The following NAALADL2 variants were observed in gnomAD, a reference collection of about 807,000 sequenced individuals.
NAALADL2 encodes inactive N-acetylated-alpha-linked acidic dipeptidase-like protein 2.
NAALADL2 carries 76 observed loss-of-function variants against 87.2 expected under a neutral mutation model. That is an observed-to-expected ratio of 0.87 (90% CI 0.72 to 1.05). NAALADL2 has a LOEUF of 1.05. Among genes scored for constraint, NAALADL2 ranks in the 50% least tolerant of loss-of-function variants. The probability of loss-of-function intolerance (pLI) is 0.00; values close to 1 mark genes in which losing one functional copy is unlikely to be tolerated. For missense variants in NAALADL2, 1,089 were observed against 945.8 expected, an observed-to-expected ratio of 1.15 and a Z score of -1.99; for synonymous variants, 354 against 331.0, an observed-to-expected ratio of 1.07 and a Z score of -0.75.
chr3:175,606,556 C>T (rs575610718), intron 10 of NAALADL2, among the ~76,000 whole-genome samples: 46 of 152,118 alleles, frequency 3.0e-4, no homozygotes, highest in South Asian at 2.1e-4. Flanking sequence ...TGTAATATTG[C>T]GGAACTCCTT....
chr3:175,039,379 G>T (rs1263295930), intron 1 of NAALADL2, among the ~76,000 whole-genome samples: 1 of 152,102 alleles, frequency 6.6e-6, no homozygotes, highest in Non-Finnish European at 1.5e-5. Flanking sequence ...TATTGGCCAG[G>T]CTGGTCTCGA....
intron 6 of NAALADL2, among the ~76,000 whole-genome samples, chr3:175,452,890 C>G (rs1721791277): frequency 6.6e-6 from 1 of 152,096 alleles, no homozygotes; most frequent in Admixed American, 6.6e-5. Flanking sequence ...AGAGTCAATT[C>G]TCTGTTTCCT....
intron 1 of NAALADL2, among the ~76,000 whole-genome samples, chr3:174,463,326 A>G (rs1431314487): frequency 6.6e-6 from 1 of 152,208 alleles, no homozygotes; most frequent in African/African-American, 2.4e-5. Flanking sequence ...ATGTTGGAAC[A>G]GTGAGAGAAA....
At chr3:175,664,729 C>G (rs765104606) in intron 11 of NAALADL2, among the ~76,000 whole-genome samples, 65 of 152,014 alleles carry the variant, frequency 4.3e-4, no homozygotes, top group Non-Finnish European at 5.6e-4. Context: ...TGTTCCTTCT[C>G]AGGTAAAAAC....
At chr3:174,650,618 G>C (rs1012871795) in intron 2 of NAALADL2, among the ~76,000 whole-genome samples, 2 of 152,112 alleles carry the variant, frequency 1.3e-5, no homozygotes, top group African/African-American at 4.8e-5. Flanking sequence ...CAAATCAGTA[G>C]TTACGGTCGT....
chr3:175,489,023 C>G (rs577955448), intron 9 of NAALADL2, among the ~76,000 whole-genome samples: 5 of 152,066 alleles, frequency 3.3e-5, no homozygotes, highest in Non-Finnish European at 7.4e-5. Context: ...ATCTTAACAT[C>G]CAGAAATAAA....
intron 11 of NAALADL2, among the ~76,000 whole-genome samples, chr3:175,684,826 C>A (rs1332469027): frequency 2.6e-5 from 4 of 151,924 alleles, no homozygotes; most frequent in African/African-American, 9.7e-5. Flanking sequence ...GTTTAAAGAT[C>A]CATATTAAAT....
chr3:174,655,220 A>G (rs1348108843), intron 2 of NAALADL2, among the ~76,000 whole-genome samples: 1 of 152,270 alleles, frequency 6.6e-6, no homozygotes, highest in East Asian at 1.9e-4. Flanking sequence ...AATATTTGGA[A>G]CATGAACAAC....
rs1185297007 is a variant in NAALADL2 at position 175,225,831 on chromosome 3, C to G, written c.546-8100C>G. Among the ~76,000 whole-genome samples the G allele has an allele frequency of 2.6e-5, 4 of 152,028 alleles. No individual in the cohort carries two copies. In the East Asian group the frequency reaches 7.7e-4, roughly 29 times the overall value. ...TTCAGATACCCTATTGTGTTCTTCT[C>G]TCTTGAAATCCAAATATGCACTCAC... On this transcript the variant is annotated intron_variant, in intron 2 of 13. Coordinates refer to ENST00000454872, the MANE Select transcript of NAALADL2 (RefSeq NM_207015.3).
chr3:175,412,891 T>TTTATTTATTATTA lies in NAALADL2; in HGVS notation c.1091-34333_1091-34332insTATTATTATTATT, dbSNP rs1553887809. ...GGAATCAGATTATTTATTTAATTTA[T>TTTATTTATTATTA]TTATTATTATTATTATTATTATTAT... On this transcript the variant is annotated intron_variant, in intron 5 of 13. Transcript: ENST00000454872. Among the ~76,000 whole-genome samples, 33 of 123,008 alleles carry TTTATTTATTATTA rather than the reference T, an allele frequency of 2.7e-4. 1 individual carries two copies. Among genetic ancestry groups the TTTATTTATTATTA allele is most frequent in the Admixed American group, 1.9e-3 (22 of 11,708 alleles). 80.7% of individuals were successfully genotyped at this position (123,008 alleles called of 152,430 possible).
chr3:175,736,282 T>C (rs2150079204), intron 11 of NAALADL2, among the ~76,000 whole-genome samples: 1 of 152,354 alleles, frequency 6.6e-6, no homozygotes, highest in South Asian at 2.1e-4. Flanking sequence ...GGGGATGCCT[T>C]TTAAAATTTG....
At chr3:175,765,847 ATTGGTC>A (rs1748617113) in intron 13 of NAALADL2, among the ~76,000 whole-genome samples, 1 of 152,130 alleles carries the variant, frequency 6.6e-6, no homozygotes, top group African/African-American at 2.4e-5. Flanking sequence ...ATCCTGCCAG[ATTGGTC>A]TTATTATTCC....
chr3:175,427,533 A>T (rs1006339066), intron 5 of NAALADL2, among the ~76,000 whole-genome samples: 1 of 152,188 alleles, frequency 6.6e-6, no homozygotes, highest in Non-Finnish European at 1.5e-5. Flanking sequence ...TAAGAATATT[A>T]TACAACATTT....
chr3:174,916,102 A>C (rs1734347067), intron 1 of NAALADL2, among the ~76,000 whole-genome samples: 1 of 152,150 alleles, frequency 6.6e-6, no homozygotes, highest in African/African-American at 2.4e-5. Flanking sequence ...ACAAACAGCC[A>C]ACAAACATAA....
rs56341317 is a variant in NAALADL2 at position 175,744,449 on chromosome 3, G to T, written c.1990+7050G>T. 8.5e-5 allele frequency among the ~76,000 whole-genome samples: 13 copies of T among 152,064 alleles called. No individual in the cohort carries two copies. The Middle Eastern group carries it at 0.01, about 119-fold the overall frequency. ...CTTGGGTCTCCCTGTCACTTTCACTGGGAAAGGTGAGGCCAGACTTGAGAT... is the reference window on the plus strand; with the variant it reads ...CTTGGGTCTCCCTGTCACTTTCACTTGGAAAGGTGAGGCCAGACTTGAGAT... On this transcript the variant is annotated intron_variant, in intron 12 of 13. Transcript: ENST00000454872.
chr3:175,375,072 G>A (rs2148963869), intron 5 of NAALADL2, among the ~76,000 whole-genome samples: 1 of 152,068 alleles, frequency 6.6e-6, no homozygotes, highest in East Asian at 1.9e-4. Context: ...TGGCACTATT[G>A]TTGAAATCAA....
intron 3 of NAALADL2, among the ~76,000 whole-genome samples, chr3:174,782,836 C>T (rs961613450): frequency 3.3e-5 from 5 of 151,992 alleles, no homozygotes; most frequent in African/African-American, 7.3e-5. Flanking sequence ...TGGAGGTAAC[C>T]GCCCCCATGA....
chr3:175,007,401 C>A (rs902433472), intron 1 of NAALADL2, among the ~76,000 whole-genome samples: 1 of 152,060 alleles, frequency 6.6e-6, no homozygotes, highest in Non-Finnish European at 1.5e-5. Flanking sequence ...GGAAGAACAA[C>A]CACATGGGCT....
chr3:175,416,326 T>C (rs1326993474), intron 5 of NAALADL2, among the ~76,000 whole-genome samples: 1 of 152,148 alleles, frequency 6.6e-6, no homozygotes, highest in Non-Finnish European at 1.5e-5. Context: ...TAGTACAGAG[T>C]TATTTTTATA....
Sources: allele counts gnomAD v4.1 joint callset (sites outside exome capture counted in the v4.1 genomes callset), GRCh38; gene constraint gnomAD v4.1.1; transcripts MANE v1.5; gene names NCBI Gene and HGNC (gene_info 2026-07-23, HGNC 2026-07-21).